Variants in SHLD2 observed in about 807,000 individuals in gnomAD.
SHLD2 encodes the protein RINN1-REV7-interacting novel NHEJ regulator 2.
SHLD2 carries 30 observed loss-of-function variants against 73.2 expected under a neutral mutation model. The ratio of observed to expected loss-of-function variants is 0.41; its 90% CI spans 0.31 to 0.56. SHLD2 has a LOEUF of 0.56. Ranked by LOEUF, SHLD2 falls within the 20% of genes least tolerant of loss-of-function variation. SHLD2 has a pLI of 0.28. For missense variants in SHLD2, 745 were observed against 1,055.9 expected, an observed-to-expected ratio of 0.71 and a Z score of 4.08; for synonymous variants, 285 against 370.1, an observed-to-expected ratio of 0.77 and a Z score of 2.64.
In SHLD2 at chr10:87,135,682, A is replaced by T. The variant is rs549863163; in HGVS notation, c.-5-15668A>T. Among the ~76,000 whole-genome samples, 807 of 141,188 alleles carry T rather than the reference A, an allele frequency of 5.7e-3. 8 individuals carry two copies. Among genetic ancestry groups the T allele is most frequent in the African/African-American group, 0.02 (752 of 38,212 alleles). 92.6% of individuals were successfully genotyped at this position (141,188 alleles called of 152,430 possible). A position where few individuals can be genotyped will look rare whatever the true frequency, so the allele number is the denominator to read the frequency against. On this transcript the variant is annotated intron_variant, in intron 2 of 9. Coordinates refer to ENST00000298786, the MANE Select transcript of SHLD2 (RefSeq NM_001330112.2). ...CTAATTTTTTTTTTTTTTTTTTTTA[A>T]TAGAGACAGAGTCTCACTGTATTGC...
chr10:87,155,061 A>G (rs1163185845), intron 3 of SHLD2, among the ~76,000 whole-genome samples: 1 of 152,082 alleles, frequency 6.6e-6, no homozygotes, highest in African/African-American at 2.4e-5. Context: ...CAGCCTCCTG[A>G]ATAGCTGGGA....
intron 7 of SHLD2, among the ~76,000 whole-genome samples, chr10:87,179,393 C>T (rs1848156877): frequency 6.7e-6 from 1 of 149,338 alleles, no homozygotes; most frequent in Non-Finnish European, 1.5e-5. Context: ...GAAAAGTTCA[C>T]CTCCTATTTG....
chr10:87,100,586 T>C (rs1438965396), intron 2 of SHLD2, among the ~76,000 whole-genome samples: 3 of 151,978 alleles, frequency 2.0e-5, no homozygotes, highest in African/African-American at 7.3e-5. Flanking sequence ...CAAGCAATTC[T>C]CCTGCTCCAG....
intron 2 of SHLD2, 149 bp downstream of exon 2, chr10:87,097,138 T>G (rs1355407463): frequency 6.6e-6 from 1 of 152,238 alleles, no homozygotes; most frequent in Non-Finnish European, 1.5e-5. Flanking sequence ...TTAAATTATT[T>G]GTTTATGTTC....
intron 9 of SHLD2, among the ~76,000 whole-genome samples, chr10:87,187,981 C>G (rs1214616688): frequency 6.6e-6 from 1 of 152,046 alleles, no homozygotes; most frequent in African/African-American, 2.4e-5. Context: ...GAAGTGGTTC[C>G]CCAGTATTCC....
intron 2 of SHLD2, among the ~76,000 whole-genome samples, chr10:87,144,793 AT>A (rs1293025834): frequency 6.7e-6 from 1 of 148,550 alleles, no homozygotes; most frequent in African/African-American, 2.5e-5. Context: ...CGCCCAGCTA[AT>A]TTTTTGTATT....
chr10:87,115,126 C>T (rs946179064), intron 2 of SHLD2, among the ~76,000 whole-genome samples: 1 of 152,170 alleles, frequency 6.6e-6, no homozygotes, highest in Non-Finnish European at 1.5e-5. Context: ...TCTTGGCTCA[C>T]TGCAACCTCC....
chr10:87,094,885 T>C (rs1841695305), upstream of SHLD2: 2 of 728,898 alleles, frequency 2.7e-6, no homozygotes, highest in Admixed American at 2.5e-5. This position sits in a 1 kb window ranked among gnomAD's most constrained non-coding sequence, Gnocchi z 6.6. Flanking sequence ...CGCAGCTTCC[T>C]GCTTGCCCGG....
At chr10:87,095,297 A>C in intron 1 of SHLD2, 49 bp downstream of exon 1, 1 of 99,236 alleles carries the variant, frequency 1.0e-5, no homozygotes. Flanking sequence ...TAGCCCAGGG[A>C]GGTCGGGGTC....
chr10:87,176,254 T>C lies in SHLD2; in HGVS notation c.2170+159T>C, dbSNP rs1265673543. Among the ~76,000 whole-genome samples, 4 of 152,326 alleles carry C rather than the reference T, an allele frequency of 2.6e-5. No homozygotes were observed. In the East Asian group the frequency reaches 7.7e-4, roughly 29 times the overall value. On this transcript the variant is annotated intron_variant, in intron 7 of 9. Coordinates refer to ENST00000298786, the MANE Select transcript of SHLD2 (RefSeq NM_001330112.2). Reference sequence around the variant, plus strand: ...CTCCCCGTTCAGCCTTTCGCGTAGCTCAGGAGGGAAGGGAAGGCTAGTGCA... The same window carrying C: ...CTCCCCGTTCAGCCTTTCGCGTAGCCCAGGAGGGAAGGGAAGGCTAGTGCA...
intron 2 of SHLD2, chr10:87,115,583 ATGGGT>A (rs1237783135): frequency 7.2e-5 from 11 of 152,182 alleles, no homozygotes; most frequent in Admixed American, 1.3e-4. Flanking sequence ...GTGGGTTGTC[ATGGGT>A]TAAAACGTTC....
chr10:87,170,977 A>C lies in SHLD2; in HGVS notation c.1963+3A>C. ...CCCTCAACTTCAAAGGAAAAAAGGT[A>C]AATACACCAAAAAGCATTTAACCTA... On this transcript the variant is annotated splice_donor_region_variant and intron_variant, in intron 6 of 9. Coordinates refer to ENST00000298786, the MANE Select transcript of SHLD2 (RefSeq NM_001330112.2). The C allele has an allele frequency of 7.3e-7, 1 of 1,371,382 alleles. No homozygotes were observed. The highest frequency in any genetic ancestry group is 1.2e-5 in the South Asian group (1 of 83,274). The allele number at this position is 1,371,382 out of a possible 1,614,324, so 85.0% of individuals were successfully genotyped here.
intron 2 of SHLD2, among the ~76,000 whole-genome samples, chr10:87,134,860 AGCTGGCCTCCAGAAG>A (rs1227080573): frequency 1.3e-5 from 2 of 152,148 alleles, no homozygotes; most frequent in African/African-American, 4.8e-5. Context: ...AATGTAAGGA[AGCTGGCCTCCAGAAG>A]GCTGGCTGGA....
At chr10:87,188,906 G>GT in intron 9 of SHLD2, among the ~76,000 whole-genome samples, 1 of 150,906 alleles carries the variant, frequency 6.6e-6, no homozygotes, top group Admixed American at 6.6e-5. Context: ...GCCTCTCTCC[G>GT]TTTTTTTCCC....
rs1844806279 is a variant in SHLD2 at position 87,136,443 on chromosome 10, C to T, written c.-5-14907C>T. ...TCCTTTTACTGGAGAATGGAGAAAC[C>T]AAGATCTAGGTGCTAGGTGCACATG... On this transcript the variant is annotated intron_variant, in intron 2 of 9. Transcript: ENST00000298786. Among the ~76,000 whole-genome samples, 7 of 150,372 alleles carry T rather than the reference C, an allele frequency of 4.7e-5. No homozygotes were observed. The South Asian group carries it at 1.5e-3, about 32-fold the overall frequency.
At chr10:87,132,300 C>G (rs1467527343) in intron 2 of SHLD2, among the ~76,000 whole-genome samples, 2 of 152,024 alleles carry the variant, frequency 1.3e-5, no homozygotes, top group African/African-American at 4.8e-5. Context: ...CTCCTCTCCC[C>G]CAGTAAATGG....
intron 8 of SHLD2, among the ~76,000 whole-genome samples, chr10:87,182,169 C>T (rs921038399): frequency 4.6e-5 from 7 of 152,114 alleles, no homozygotes; most frequent in Non-Finnish European, 1.0e-4. Context: ...GTATGTGACT[C>T]CAAAATCATC....
intron 8 of SHLD2, among the ~76,000 whole-genome samples, chr10:87,181,254 A>G (rs1457212935): frequency 2.0e-5 from 3 of 150,218 alleles, no homozygotes; most frequent in Non-Finnish European, 4.4e-5. Flanking sequence ...GGCAGGTGAC[A>G]TAGGCCTGTA....
At chr10:87,094,724 G>A (rs751022558), upstream of SHLD2, 6 of 1,516,584 alleles carry the variant, frequency 4.0e-6, no homozygotes, top group African/African-American at 1.4e-5. The surrounding 1 kb of genome is among the most constrained non-coding windows in gnomAD (Gnocchi z 6.6). Context: ...AGGGCAGCGG[G>A]CCCGGCCCGG....
Sources: allele counts gnomAD v4.1 joint callset (sites outside exome capture counted in the v4.1 genomes callset), GRCh38; gene constraint gnomAD v4.1.1; non-coding constraint Gnocchi (gnomAD v3.1); transcripts MANE v1.5; gene names NCBI Gene and HGNC (gene_info 2026-07-23, HGNC 2026-07-21).